Variants in GRM5 observed in about 807,000 individuals in gnomAD.
The protein encoded by GRM5 is glutamate metabotropic receptor 5.
In GRM5, 19 loss-of-function variants were observed where a neutral mutation model predicts 83.1. The ratio of observed to expected loss-of-function variants is 0.23; its 90% CI spans 0.16 to 0.34. GRM5 has a LOEUF of 0.34. GRM5 is among the 10% of genes least tolerant of loss of function. The pLI is 1.00. For synonymous variants in GRM5, 675 were observed against 633.6 expected, an observed-to-expected ratio of 1.07 and a Z score of -0.98; for missense variants, 1,160 against 1,588.3, an observed-to-expected ratio of 0.73 and a Z score of 4.58.
At chr11:88,696,583 A>T (rs181766590) in intron 3 of GRM5, among the ~76,000 whole-genome samples, 1 of 152,178 alleles carries the variant, frequency 6.6e-6, no homozygotes, top group South Asian at 2.1e-4. Flanking sequence ...TAAGATAATA[A>T]TTGGGATTTC....
chr11:88,518,959 A>G (rs1941601873), intron 9 of GRM5, among the ~76,000 whole-genome samples: 1 of 149,750 alleles, frequency 6.7e-6, no homozygotes, highest in Non-Finnish European at 1.5e-5. Flanking sequence ...CGTAAAAGTG[A>G]ACCATACATT....
chr11:88,984,552 G>A, intron 2 of GRM5: 1 of 438,526 alleles, frequency 2.3e-6, no homozygotes. Flanking sequence ...GACTATAAAT[G>A]TATATTATGC....
chr11:88,831,402 T>G (rs538477950), intron 3 of GRM5, among the ~76,000 whole-genome samples: 6 of 152,324 alleles, frequency 3.9e-5, no homozygotes, highest in Non-Finnish European at 7.4e-5. Context: ...CTTTTGCCAC[T>G]GAAAGCAACT....
chr11:88,746,542 T>C (rs1282387451), intron 3 of GRM5, among the ~76,000 whole-genome samples: 1 of 147,686 alleles, frequency 6.8e-6, no homozygotes, highest in Non-Finnish European at 1.5e-5. Context: ...AGAAATGGGA[T>C]TCAATTTGGC....
intron 3 of GRM5, among the ~76,000 whole-genome samples, chr11:88,742,674 C>T (rs1382851950): frequency 6.6e-6 from 1 of 152,106 alleles, no homozygotes; most frequent in African/African-American, 2.4e-5. Context: ...AGTACGACCT[C>T]TCTGGAACAC....
intron 3 of GRM5, among the ~76,000 whole-genome samples, chr11:88,810,079 G>T (rs143027736): frequency 3.3e-5 from 5 of 152,128 alleles, no homozygotes; most frequent in African/African-American, 7.2e-5. Context: ...GGACCTCTGT[G>T]CTTTGATTAT....
Position 88,538,305 on chromosome 11 carries a change from G to A in GRM5, c.2631-12901C>T, listed in dbSNP as rs566553065. ...CAGATATGAATCATCATAAGTCATT[G>A]CCATTTTATTGTGTACTTTCCTTCA... On this transcript the variant is annotated intron_variant, in intron 8 of 9. Transcript: ENST00000305447. Among the ~76,000 whole-genome samples the A allele has an allele frequency of 9.2e-5, 14 of 152,196 alleles. No individual in the cohort carries two copies. The East Asian group carries it at 2.5e-3, about 27-fold the overall frequency.
At chr11:88,978,898 G>C (rs996846049) in intron 2 of GRM5, among the ~76,000 whole-genome samples, 18 of 152,258 alleles carry the variant, frequency 1.2e-4, no homozygotes, top group African/African-American at 4.1e-4. Context: ...TTGAACGCAG[G>C]ATTCCTAACT....
intron 1 of GRM5, among the ~76,000 whole-genome samples, chr11:89,060,423 C>A (rs1230816825): frequency 6.6e-6 from 1 of 151,970 alleles, no homozygotes; most frequent in South Asian, 2.1e-4. Context: ...AAGTGACCCA[C>A]AGTGAACACT....
chr11:89,016,278 A>C (rs909937992), intron 2 of GRM5, among the ~76,000 whole-genome samples: 1 of 149,874 alleles, frequency 6.7e-6, no homozygotes, highest in Non-Finnish European at 1.5e-5. Context: ...TATATAATAT[A>C]TATTCATCTT....
At chr11:88,618,048 G>C (rs1207035663) in intron 4 of GRM5, among the ~76,000 whole-genome samples, 1 of 152,162 alleles carries the variant, frequency 6.6e-6, no homozygotes, top group Admixed American at 6.5e-5. Context: ...CTATGGGATG[G>C]AACAATGCCC....
At chr11:88,623,303 G>T (rs1016158004) in intron 4 of GRM5, among the ~76,000 whole-genome samples, 3 of 150,396 alleles carry the variant, frequency 2.0e-5, no homozygotes, top group Non-Finnish European at 2.9e-5. Context: ...GTAATTTTTT[G>T]TATTTTTTGT....
chr11:88,805,678 C>G (rs1225729768), intron 3 of GRM5, among the ~76,000 whole-genome samples: 1 of 152,136 alleles, frequency 6.6e-6, no homozygotes, highest in Non-Finnish European at 1.5e-5. Context: ...TTTAAAAATT[C>G]TAAAGACTTA....
rs368310127 is a variant in GRM5 at position 88,886,317 on chromosome 11, C to T, written c.662-36162G>A. ...AGCTGCTTTATAATGGGGGCTCGTC[C>T]GGGATAACAACATACAACATTCATC... On this transcript the variant is annotated intron_variant, in intron 2 of 9. Transcript: ENST00000305447. Among the ~76,000 whole-genome samples the T allele has an allele frequency of 1.9e-4, 29 of 152,216 alleles. 1 individual carries two copies. The highest frequency in any genetic ancestry group is 6.8e-3 in the Middle Eastern group (2 of 294).
intron 3 of GRM5, among the ~76,000 whole-genome samples, chr11:88,776,121 C>T (rs1245417694): frequency 6.6e-6 from 1 of 152,140 alleles, no homozygotes; most frequent in Non-Finnish European, 1.5e-5. Context: ...AATCTGGGTG[C>T]TCCTGTATTG....
chr11:88,614,075 C>T (rs768062795), intron 4 of GRM5, among the ~76,000 whole-genome samples: 2 of 152,142 alleles, frequency 1.3e-5, no homozygotes, highest in East Asian at 3.9e-4. Flanking sequence ...GCAACTCTGC[C>T]TCCCAACCAC....
In GRM5 at chr11:89,050,547, T is replaced by G. The variant is rs1253401727; in HGVS notation, c.-200-2475A>C. On this transcript the variant is annotated intron_variant, in intron 1 of 9. Transcript: ENST00000305447. ...TCTTTGAGGAATCACCACGCTGACT[T>G]CCACAATGATTGAACTAATTTATAC... is the stretch of plus-strand genomic sequence containing the variant. Among the ~76,000 whole-genome samples, 7 of 152,166 alleles carry G rather than the reference T, an allele frequency of 4.6e-5. No homozygotes were observed. In the East Asian group the frequency reaches 1.3e-3, roughly 29 times the overall value.
At chr11:88,931,289 T>C (rs1937696669) in intron 2 of GRM5, among the ~76,000 whole-genome samples, 1 of 151,942 alleles carries the variant, frequency 6.6e-6, no homozygotes. Context: ...GTCACTGTAA[T>C]ATTGAGTTCT....
intron 1 of GRM5, among the ~76,000 whole-genome samples, chr11:89,060,474 C>T (rs982626775): frequency 7.2e-5 from 11 of 151,988 alleles, no homozygotes; most frequent in African/African-American, 2.2e-4. Flanking sequence ...GAATAAAAAA[C>T]GTAGTTTTTA....
Sources: gnomAD v4.1 joint callset for allele counts (sites outside exome capture counted in the v4.1 genomes callset) on GRCh38, gnomAD v4.1.1 for gene constraint, MANE v1.5 for transcripts, NCBI Gene and HGNC (gene_info 2026-07-23, HGNC 2026-07-21) for gene names.